The following GPM6A variants were observed in gnomAD, a reference collection of about 807,000 sequenced individuals.
The protein encoded by GPM6A is neuronal membrane glycoprotein M6-a.
In GPM6A, 7 loss-of-function variants were observed where a neutral mutation model predicts 32.1. The observed-to-expected ratio is 0.22, with a 90% CI of 0.12 to 0.41. GPM6A has a LOEUF of 0.41. GPM6A is among the 10% of genes least tolerant of loss of function. The pLI is 1.00. For synonymous variants in GPM6A, 130 were observed against 123.4 expected (o/e 1.05, Z -0.35); for missense variants, 235 against 347.2 (o/e 0.68, Z 2.57).
intron 1 of GPM6A, among the ~76,000 whole-genome samples, chr4:175,766,378 G>A (rs1358139530): frequency 1.3e-5 from 2 of 152,146 alleles, no homozygotes; most frequent in African/African-American, 4.8e-5. Flanking sequence ...CATTCGCTCA[G>A]TAAAATAAGC....
intron 1 of GPM6A, among the ~76,000 whole-genome samples, chr4:175,879,480 G>A (rs533707942): frequency 7.9e-5 from 12 of 152,206 alleles, no homozygotes; most frequent in East Asian, 5.8e-4. Flanking sequence ...TTCACAGGGC[G>A]GCAGGAGAGA....
At chr4:175,962,387 C>T (rs544567724) in intron 1 of GPM6A, 1 of 741,522 alleles carries the variant, frequency 1.3e-6, no homozygotes, top group South Asian at 1.3e-5. Context: ...GAGACCACTC[C>T]ACCCTCACCA....
intron 1 of GPM6A, among the ~76,000 whole-genome samples, chr4:175,711,952 C>T (rs541854171): frequency 6.6e-6 from 1 of 152,116 alleles, no homozygotes; most frequent in East Asian, 1.9e-4. Flanking sequence ...TCTAAATAGG[C>T]AACTGCAATA....
At chr4:175,967,884 A>T (rs1321210663) in intron 1 of GPM6A, among the ~76,000 whole-genome samples, 2 of 152,168 alleles carry the variant, frequency 1.3e-5, no homozygotes, top group Non-Finnish European at 2.9e-5. Context: ...TCTAAATCTC[A>T]GCCAATTATT....
At chr4:175,870,447 ATG>A (rs1410670983) in intron 1 of GPM6A, among the ~76,000 whole-genome samples, 1 of 152,244 alleles carries the variant, frequency 6.6e-6, no homozygotes, top group Non-Finnish European at 1.5e-5. Flanking sequence ...CGTACCTACT[ATG>A]TGACAGGCAC....
intron 1 of GPM6A, among the ~76,000 whole-genome samples, chr4:175,740,302 T>C (rs184852914): frequency 4.9e-4 from 75 of 152,210 alleles, no homozygotes; most frequent in African/African-American, 1.7e-3. Flanking sequence ...TGCCACGATA[T>C]AGCAGATAAC....
chr4:175,711,335 A>G (rs1415669251), intron 1 of GPM6A, among the ~76,000 whole-genome samples: 2 of 148,198 alleles, frequency 1.3e-5, no homozygotes, highest in Non-Finnish European at 3.0e-5. Flanking sequence ...TAAATAAGCA[A>G]AAAAGAAATT....
intron 1 of GPM6A, among the ~76,000 whole-genome samples, chr4:175,902,227 A>T (rs1737991023): frequency 6.6e-6 from 1 of 152,212 alleles, no homozygotes; most frequent in South Asian, 2.1e-4. Flanking sequence ...ATGCTGAATG[A>T]AAAAAGCTGA....
intron 6 of GPM6A, among the ~76,000 whole-genome samples, chr4:175,636,946 A>G (rs1740656367): frequency 7.3e-6 from 1 of 137,062 alleles, no homozygotes; most frequent in African/African-American, 2.7e-5. Context: ...GCATATATAT[A>G]TATATATATG....
At chr4:175,738,991 T>C (rs138922104) in intron 1 of GPM6A, among the ~76,000 whole-genome samples, 4 of 152,296 alleles carry the variant, frequency 2.6e-5, no homozygotes, top group Non-Finnish European at 5.9e-5. Flanking sequence ...AAAAAACATT[T>C]AAGTACAAAA....
intron 1 of GPM6A, among the ~76,000 whole-genome samples, chr4:175,997,946 T>G (rs1263055464): frequency 6.6e-6 from 1 of 152,170 alleles, no homozygotes; most frequent in Admixed American, 6.5e-5. Context: ...AAACAGGATT[T>G]ATCCTTTCCC....
At chr4:175,650,286 ATTTATTTATTTATTTATTTATT>A (rs1241031916) in intron 4 of GPM6A, among the ~76,000 whole-genome samples, 1 of 65,720 alleles carries the variant, frequency 1.5e-5, no homozygotes, top group East Asian at 9.6e-4. Context: ...TTATTTATTT[ATTTATTTATTTATTTATTTATT>A]TATTTATTTA....
At chr4:175,674,681 A>G (rs541057641) in intron 2 of GPM6A, among the ~76,000 whole-genome samples, 28 of 152,314 alleles carry the variant, frequency 1.8e-4, no homozygotes, top group South Asian at 6.2e-4. Context: ...GTTGTATTCT[A>G]TTTTGTACTC....
intron 1 of GPM6A, among the ~76,000 whole-genome samples, chr4:175,779,073 C>T (rs1432354744): frequency 6.6e-6 from 1 of 151,952 alleles, no homozygotes. Context: ...AGAATAATTG[C>T]TAGTAAGCTA....
At chr4:175,640,977 T>C in intron 4 of GPM6A, 148 bp from the exon 5 acceptor site, 1 of 617,088 alleles carries the variant, frequency 1.6e-6, no homozygotes, top group Non-Finnish European at 2.9e-6. Flanking sequence ...GCTTTCATTG[T>C]GGATAATAAC....
At chr4:175,837,269 A>G (rs1579555031) in intron 1 of GPM6A, among the ~76,000 whole-genome samples, 1 of 152,114 alleles carries the variant, frequency 6.6e-6, no homozygotes, top group South Asian at 2.1e-4. Flanking sequence ...TCCAGAAAGA[A>G]CCAACCTGCC....
At chr4:175,639,062 A>G (rs1740980356) in intron 6 of GPM6A, among the ~76,000 whole-genome samples, 1 of 139,774 alleles carries the variant, frequency 7.2e-6, no homozygotes, top group African/African-American at 2.6e-5. Context: ...TTCTATATAG[A>G]GGTCACTGTA....
At chr4:175,743,988 G>A (rs1400543971) in intron 1 of GPM6A, among the ~76,000 whole-genome samples, 1 of 150,852 alleles carries the variant, frequency 6.6e-6, no homozygotes, top group Non-Finnish European at 1.5e-5. Flanking sequence ...GGTCAAGAAG[G>A]CTATAGAAGA....
chr4:175,999,394 T>C (rs1203466417), intron 1 of GPM6A, among the ~76,000 whole-genome samples: 1 of 152,244 alleles, frequency 6.6e-6, no homozygotes, highest in African/African-American at 2.4e-5. Context: ...TTGCATCCTT[T>C]CTGCAGAGTG....
Sources: gnomAD v4.1 joint callset for allele counts (sites outside exome capture counted in the v4.1 genomes callset) on GRCh38, gnomAD v4.1.1 for gene constraint, MANE v1.5 for transcripts, NCBI Gene and HGNC (gene_info 2026-07-23, HGNC 2026-07-21) for gene names.